The following NKAIN3 variants were observed in gnomAD, a reference collection of about 807,000 sequenced individuals.
NKAIN3 encodes the protein sodium/potassium transporting ATPase interacting 3.
In NKAIN3, 25 loss-of-function variants were observed where a neutral mutation model predicts 30.2. The ratio of observed to expected loss-of-function variants is 0.83; its 90% CI spans 0.60 to 1.16. The LOEUF is 1.16. NKAIN3 is among the 50% of genes most tolerant of loss of function. The probability of loss-of-function intolerance (pLI) is 0.00; values close to 1 mark genes in which losing one functional copy is unlikely to be tolerated. For missense variants in NKAIN3, 225 were observed against 254.1 expected (o/e 0.89, Z 0.78); for synonymous variants, 91 against 89.6 (o/e 1.02, Z -0.09).
chr8:62,561,046 TGTCTAAAA>T (rs1809560419), intron 1 of NKAIN3, among the ~76,000 whole-genome samples: 1 of 152,162 alleles, frequency 6.6e-6, no homozygotes, highest in Admixed American at 6.6e-5. Context: ...TAATGGTTAT[TGTCTAAAA>T]GTTTTCTCTC....
chr8:62,651,276 TA>T (rs1479971715), intron 3 of NKAIN3, among the ~76,000 whole-genome samples: 1 of 152,180 alleles, frequency 6.6e-6, no homozygotes, highest in East Asian at 1.9e-4. Context: ...ATTTGCATGA[TA>T]AAAAGGTGCC....
chr8:62,409,718 A>G (rs992019922), intron 1 of NKAIN3, among the ~76,000 whole-genome samples: 5 of 151,996 alleles, frequency 3.3e-5, no homozygotes, highest in African/African-American at 1.2e-4. Context: ...TGTTAAGGCT[A>G]AGAAGAAAAA....
At chr8:62,986,370 C>T (rs1158413540), downstream of NKAIN3, among the ~76,000 whole-genome samples, 2 of 152,172 alleles carry the variant, frequency 1.3e-5, no homozygotes, top group African/African-American at 4.8e-5. Context: ...GTCATATAAA[C>T]TGCATGCTTT....
rs931801584 is a variant in NKAIN3 at position 62,722,225 on chromosome 8, G to A, written c.274-24707G>A. On this transcript the variant is annotated intron_variant, in intron 3 of 6. Transcript: ENST00000623646. ...AATTTCAAATTCAACTTTAATTAAA[G>A]AAAAGCTAAAAGTGCCTTGCTTCAT... Among the ~76,000 whole-genome samples, 10 of 152,092 alleles carry A rather than the reference G, an allele frequency of 6.6e-5. 1 individual carries two copies. Among genetic ancestry groups the A allele is most frequent in the Admixed American group, 5.9e-4 (9 of 15,272 alleles).
chr8:62,295,455 G>A, intron 1 of NKAIN3, among the ~76,000 whole-genome samples: 1 of 152,116 alleles, frequency 6.6e-6, no homozygotes, highest in Non-Finnish European at 1.5e-5. Context: ...CTCACATCAT[G>A]GTTTGAATCC....
At chr8:62,571,426 C>T (rs827693) in intron 1 of NKAIN3, among the ~76,000 whole-genome samples, 54,390 of 151,980 alleles carry the variant, frequency 0.36, 10,126 homozygotes, top group African/African-American at 0.47. Flanking sequence ...CAGCTGCTTT[C>T]GTGGGCTAAT....
intron 3 of NKAIN3, among the ~76,000 whole-genome samples, chr8:62,707,203 C>T (rs988448415): frequency 6.6e-6 from 1 of 151,942 alleles, no homozygotes; most frequent in African/African-American, 2.4e-5. Flanking sequence ...GTGCAAGTAT[C>T]TTTTTCAAAT....
chr8:62,578,061 G>A (rs377647605), intron 1 of NKAIN3, among the ~76,000 whole-genome samples: 1 of 152,060 alleles, frequency 6.6e-6, no homozygotes, highest in South Asian at 2.1e-4. Context: ...GCAGTTTCCA[G>A]TGCCATCAGT....
intron 1 of NKAIN3, among the ~76,000 whole-genome samples, chr8:62,325,924 G>T (rs1008926633): frequency 5.9e-5 from 9 of 151,882 alleles, no homozygotes; most frequent in Non-Finnish European, 1.0e-4. Flanking sequence ...GGGATGCGTG[G>T]TTTGCAAAAA....
chr8:62,328,772 A>G (rs139383184), intron 1 of NKAIN3, among the ~76,000 whole-genome samples: 2 of 152,212 alleles, frequency 1.3e-5, no homozygotes, highest in Non-Finnish European at 2.9e-5. Context: ...ATTCTCAAAT[A>G]TTTGTTTAGT....
At position 62,976,149 on chromosome 8, in the gene NKAIN3, A is replaced by G. The variant is rs1304586908; in HGVS notation, c.*10742A>G. On this transcript the variant is annotated 3_prime_UTR_variant, in exon 7 of 7. Coordinates refer to ENST00000623646, the MANE Select transcript of NKAIN3 (RefSeq NM_001304533.3). ...AATGTGCTATGTGATGCTGAGGAGA[A>G]TGTATATTCTGTTGATTTGGGGTGG... is the stretch of plus-strand genomic sequence containing the variant. Among the ~76,000 whole-genome samples the G allele has an allele frequency of 1.3e-5, 2 of 152,066 alleles. No individual in the cohort carries two copies. The highest frequency in any genetic ancestry group is 2.9e-5 in the Non-Finnish European group (2 of 68,030).
intron 6 of NKAIN3, among the ~76,000 whole-genome samples, chr8:62,955,101 G>A (rs1248274078): frequency 6.6e-6 from 1 of 152,188 alleles, no homozygotes; most frequent in East Asian, 1.9e-4. Flanking sequence ...GAGGATTGAA[G>A]ATCTGAGAAG....
chr8:62,936,398 T>A (rs1160894720), intron 5 of NKAIN3, among the ~76,000 whole-genome samples: 2 of 152,130 alleles, frequency 1.3e-5, no homozygotes, highest in Admixed American at 6.5e-5. Flanking sequence ...TGAATTACAG[T>A]GGAGCCTGGG....
chr8:62,920,339 A>G (rs1051942638), intron 5 of NKAIN3, among the ~76,000 whole-genome samples: 2 of 152,238 alleles, frequency 1.3e-5, no homozygotes, highest in African/African-American at 4.8e-5. Context: ...CTCAAAAGAC[A>G]CCAGTGCTCA....
chr8:62,521,283 C>G (rs971552409), intron 1 of NKAIN3, among the ~76,000 whole-genome samples: 1 of 152,166 alleles, frequency 6.6e-6, no homozygotes, highest in South Asian at 2.1e-4. Flanking sequence ...CCAGCTGTTT[C>G]CAAATGTCGT....
At chr8:62,815,831 G>T (rs558591783) in intron 4 of NKAIN3, among the ~76,000 whole-genome samples, 55 of 151,778 alleles carry the variant, frequency 3.6e-4, no homozygotes, top group African/African-American at 1.3e-3. Context: ...GTTTTCAATT[G>T]CATTCTTATT....
At chr8:62,427,988 C>T (rs995337102) in intron 1 of NKAIN3, among the ~76,000 whole-genome samples, 6 of 151,768 alleles carry the variant, frequency 4.0e-5, no homozygotes, top group Non-Finnish European at 7.4e-5. Context: ...CTGTTTTCAC[C>T]CCCCACTTGC....
chr8:62,401,553 C>T (rs1235822707), intron 1 of NKAIN3, among the ~76,000 whole-genome samples: 1 of 152,026 alleles, frequency 6.6e-6, no homozygotes, highest in Non-Finnish European at 1.5e-5. Context: ...CAGTCTGTGC[C>T]CATTCTTCTT....
chr8:62,462,088 A>G (rs1211363642), intron 1 of NKAIN3, among the ~76,000 whole-genome samples: 1 of 152,180 alleles, frequency 6.6e-6, no homozygotes, highest in East Asian at 1.9e-4. Flanking sequence ...CAAAATAAAG[A>G]TGGCTTCTCA....
Sources: allele counts gnomAD v4.1 joint callset (sites outside exome capture counted in the v4.1 genomes callset), GRCh38; gene constraint gnomAD v4.1.1; transcripts MANE v1.5; gene names NCBI Gene and HGNC (gene_info 2026-07-23, HGNC 2026-07-21).